The following DISC1 variants were observed in gnomAD, a reference collection of about 807,000 sequenced individuals.
DISC1 encodes the protein disrupted in schizophrenia 1 protein.
Under a neutral mutation model 84.5 loss-of-function variants are expected in DISC1, and 57 were observed. The observed-to-expected ratio is 0.67, with a 90% CI of 0.55 to 0.84. The LOEUF (loss-of-function observed/expected upper bound fraction) is 0.84, where lower values mean the gene tolerates loss of function less well. DISC1 is among the 40% of genes least tolerant of loss of function. The pLI, the probability that DISC1 is intolerant of heterozygous loss-of-function variation, is 0.00. For missense variants in DISC1, 1,000 were observed against 1,057.8 expected (o/e 0.95, Z 0.76); for synonymous variants, 411 against 415.2 (o/e 0.99, Z 0.12).
chr1:231,833,471 T>G (rs1266132344), intron 9 of DISC1, among the ~76,000 whole-genome samples: 2 of 151,810 alleles, frequency 1.3e-5, no homozygotes, highest in Non-Finnish European at 2.9e-5. Flanking sequence ...AGTGTCAGTC[T>G]TCAGCTGCTA....
chr1:231,887,483 C>A (rs1038409029), intron 9 of DISC1, among the ~76,000 whole-genome samples: 2 of 152,222 alleles, frequency 1.3e-5, no homozygotes, highest in Non-Finnish European at 2.9e-5. Context: ...TTGCTCCATT[C>A]ATGTAAAGAG....
At chr1:231,871,978 A>T (rs9432025) in intron 9 of DISC1, among the ~76,000 whole-genome samples, 2 of 151,988 alleles carry the variant, frequency 1.3e-5, no homozygotes, top group Non-Finnish European at 2.9e-5. Context: ...TCTGTACCAC[A>T]GTGGACACCT....
At chr1:231,909,948 T>C (rs11122368) in intron 9 of DISC1, among the ~76,000 whole-genome samples, 8,069 of 152,328 alleles carry the variant, frequency 0.053, 454 homozygotes, top group East Asian at 0.33. Flanking sequence ...TTCTAGATTT[T>C]CTAGTTTATT....
chr1:231,928,685 T>TG (rs1479003701), intron 9 of DISC1, among the ~76,000 whole-genome samples: 1 of 152,370 alleles, frequency 6.6e-6, no homozygotes, highest in East Asian at 1.9e-4. Flanking sequence ...CTTTGTCCTG[T>TG]GGGCATTTAG....
intron 9 of DISC1, among the ~76,000 whole-genome samples, chr1:231,909,775 C>T (rs1050409320): frequency 6.6e-6 from 1 of 152,050 alleles, no homozygotes; most frequent in Non-Finnish European, 1.5e-5. Flanking sequence ...TTGTACGTCT[C>T]GTAGAATTTG....
At chr1:231,678,557 G>A (rs898069522) in intron 1 of DISC1, among the ~76,000 whole-genome samples, 12 of 152,240 alleles carry the variant, frequency 7.9e-5, no homozygotes, top group African/African-American at 2.7e-4. Flanking sequence ...CCCCAGATGA[G>A]AAAACAGGCA....
chr1:231,800,593 T>C (rs1199054951), intron 8 of DISC1, among the ~76,000 whole-genome samples: 1 of 152,146 alleles, frequency 6.6e-6, no homozygotes, highest in Non-Finnish European at 1.5e-5. Context: ...TTTGAAAATC[T>C]AGTCATAGAA....
chr1:231,894,131 T>G (rs1400008826), intron 9 of DISC1, among the ~76,000 whole-genome samples: 1 of 152,198 alleles, frequency 6.6e-6, no homozygotes, highest in Admixed American at 6.5e-5. Flanking sequence ...ACAACGATCT[T>G]CTAATATAAA....
intron 9 of DISC1, among the ~76,000 whole-genome samples, chr1:231,838,058 TGGA>T (rs2082750798): frequency 6.6e-6 from 1 of 152,246 alleles, no homozygotes; most frequent in Admixed American, 6.5e-5. Flanking sequence ...TAAAAAGTCC[TGGA>T]TTCATTAATG....
At chr1:231,720,907 C>T (rs1457420526) in intron 3 of DISC1, 1 of 1,290,914 alleles carries the variant, frequency 7.7e-7, no homozygotes, top group Non-Finnish European at 1.0e-6. Flanking sequence ...CTGACATTGA[C>T]TGCATTAATA....
intron 6 of DISC1, among the ~76,000 whole-genome samples, chr1:231,780,119 G>A (rs889543061): frequency 6.6e-6 from 1 of 151,828 alleles, no homozygotes; most frequent in East Asian, 1.9e-4. Context: ...GATAGCATTG[G>A]GAGATATACC....
intron 9 of DISC1, among the ~76,000 whole-genome samples, chr1:231,844,442 T>G (rs958563901): frequency 1.3e-5 from 2 of 152,162 alleles, no homozygotes; most frequent in African/African-American, 4.8e-5. Flanking sequence ...TGCCATGGCC[T>G]CACCAGTCCA....
chr1:231,962,479 C>A (rs1226191444), intron 10 of DISC1, among the ~76,000 whole-genome samples: 1 of 152,080 alleles, frequency 6.6e-6, no homozygotes, highest in African/African-American at 2.4e-5. Flanking sequence ...ATAAAAGAGC[C>A]TGAATATCCA....
chr1:231,676,211 A>G (rs1052759835), intron 1 of DISC1, among the ~76,000 whole-genome samples: 6 of 152,246 alleles, frequency 3.9e-5, no homozygotes, highest in Admixed American at 3.9e-4. Flanking sequence ...GTTTTGATAC[A>G]TAACAGTGGT....
At chr1:231,994,502 CT>C (rs1558817396) in intron 10 of DISC1, among the ~76,000 whole-genome samples, 1 of 152,180 alleles carries the variant, frequency 6.6e-6, no homozygotes, top group African/African-American at 2.4e-5. Flanking sequence ...GATACCAGCT[CT>C]TTATTATAGG....
At position 231,938,260 on chromosome 1, in the gene DISC1, G is replaced by A. The variant is rs143304818; in HGVS notation, c.1982-20568G>A. On this transcript the variant is annotated intron_variant, in intron 9 of 12. Transcript: ENST00000439617. The stretch of plus-strand genomic sequence containing the variant: ...AGAGCATCCTGGTTTATCCAGATGG[G>A]CCCAATCTAATCACATGAGCCCGTA... Among the ~76,000 whole-genome samples, 500 of 152,282 alleles carry A rather than the reference G, an allele frequency of 3.3e-3. 2 individuals carry two copies. Among genetic ancestry groups the A allele is most frequent in the Middle Eastern group, 0.01 (3 of 294 alleles).
chr1:231,974,566 G>A (rs180715010), intron 10 of DISC1, among the ~76,000 whole-genome samples: 13 of 152,174 alleles, frequency 8.5e-5, no homozygotes, highest in South Asian at 2.1e-4. Flanking sequence ...GGATGCTTCC[G>A]TTTGCTTAAC....
chr1:231,965,542 G>T (rs1407485493), intron 10 of DISC1, among the ~76,000 whole-genome samples: 1 of 152,156 alleles, frequency 6.6e-6, no homozygotes, highest in Non-Finnish European at 1.5e-5. Context: ...TTCTCCCACA[G>T]CCAGAATGAC....
At chr1:231,790,474 A>C (rs2078247520) in intron 6 of DISC1, among the ~76,000 whole-genome samples, 2 of 150,504 alleles carry the variant, frequency 1.3e-5, no homozygotes, top group African/African-American at 4.9e-5. Flanking sequence ...TCTTCAGATG[A>C]TCTTCCCTCC....
Sources: gnomAD v4.1 joint callset for allele counts (sites outside exome capture counted in the v4.1 genomes callset) on GRCh38, gnomAD v4.1.1 for gene constraint, MANE v1.5 for transcripts, NCBI Gene and HGNC (gene_info 2026-07-23, HGNC 2026-07-21) for gene names.